Variants in C1orf21 observed in about 807,000 individuals in gnomAD.
C1orf21 encodes uncharacterized protein C1orf21.
A neutral mutation model predicts 18.7 loss-of-function variants in C1orf21; 3 were observed. That is an observed-to-expected ratio of 0.16 (90% CI 0.07 to 0.42). The LOEUF is 0.42. Among genes scored for constraint, C1orf21 ranks in the 10% least tolerant of loss-of-function variants. The probability of loss-of-function intolerance (pLI) is 0.99; values close to 1 mark genes in which losing one functional copy is unlikely to be tolerated. For missense variants in C1orf21, 104 were observed against 143.6 expected (o/e 0.72, Z 1.41); for synonymous variants, 41 against 46.4 (o/e 0.88, Z 0.47).
At chr1:184,532,830 A>C (rs1024510848) in intron 3 of C1orf21, among the ~76,000 whole-genome samples, 3 of 152,192 alleles carry the variant, frequency 2.0e-5, no homozygotes, top group African/African-American at 7.2e-5. Context: ...CACTGGACCA[A>C]GTCAGAAAAA....
At chr1:184,548,741 A>C (rs1036180496) in intron 3 of C1orf21, among the ~76,000 whole-genome samples, 1 of 152,216 alleles carries the variant, frequency 6.6e-6, no homozygotes, top group Non-Finnish European at 1.5e-5. Flanking sequence ...AGAAGGAACT[A>C]AAGTATTCAG....
intron 1 of C1orf21, among the ~76,000 whole-genome samples, chr1:184,421,647 C>T (rs1656548557): frequency 6.6e-6 from 1 of 152,102 alleles, no homozygotes; most frequent in African/African-American, 2.4e-5. Flanking sequence ...GTAGAAGTTT[C>T]TGTGTCTCAA....
intron 2 of C1orf21, among the ~76,000 whole-genome samples, chr1:184,480,522 G>A (rs1457105776): frequency 2.0e-5 from 3 of 152,156 alleles, no homozygotes; most frequent in African/African-American, 7.2e-5. Context: ...AGACTCTATT[G>A]TTCTAAAGCA....
chr1:184,574,067 T>C (rs55699645), intron 3 of C1orf21, among the ~76,000 whole-genome samples: 16,596 of 151,134 alleles, frequency 0.11, 1,773 homozygotes, highest in African/African-American at 0.28. Flanking sequence ...TAGCTGGGCG[T>C]GGTGGTACAC....
At chr1:184,401,433 T>C (rs926002939) in intron 1 of C1orf21, among the ~76,000 whole-genome samples, 3 of 152,114 alleles carry the variant, frequency 2.0e-5, no homozygotes, top group African/African-American at 7.2e-5. Flanking sequence ...GCAGCCAGCC[T>C]GGTCTGGAAC....
Position 184,626,053 on chromosome 1 carries a change from G to A in C1orf21, c.*6497G>A, listed in dbSNP as rs1370644160. 6.6e-6 allele frequency: 1 copy of A among 152,114 alleles called. No individual in the cohort carries two copies. Among genetic ancestry groups the A allele is most frequent in the Non-Finnish European group, 1.5e-5 (1 of 68,030 alleles). The allele number at this position is 152,114 out of a possible 1,614,324, so 9.4% of individuals were successfully genotyped here. The stretch of plus-strand genomic sequence containing the variant: ...GGTCCCTTCATCTAGGTTGACCCAG[G>A]TATAGCATTTTTAGCATTGCCTTTC... On this transcript the variant is annotated 3_prime_UTR_variant, in exon 6 of 6. Transcript: ENST00000235307.
At chr1:184,481,090 G>A (rs969194620) in intron 2 of C1orf21, among the ~76,000 whole-genome samples, 2 of 152,032 alleles carry the variant, frequency 1.3e-5, no homozygotes, top group African/African-American at 4.8e-5. Context: ...GGAAGGTAAA[G>A]GTTATGATTG....
At chr1:184,595,706 C>T (rs1291866180) in intron 4 of C1orf21, among the ~76,000 whole-genome samples, 1 of 152,118 alleles carries the variant, frequency 6.6e-6, no homozygotes, top group East Asian at 1.9e-4. Context: ...CATTTGCTCC[C>T]CCGGCAATGT....
At chr1:184,477,663 T>C (rs1385721337) in intron 2 of C1orf21, 60 bp downstream of exon 2, 10 of 1,320,398 alleles carry the variant, frequency 7.6e-6, no homozygotes, top group African/African-American at 2.9e-5. Flanking sequence ...CTTTTTTTTA[T>C]TGATACATAA....
intron 1 of C1orf21, among the ~76,000 whole-genome samples, chr1:184,415,628 A>C (rs746970398): frequency 3.3e-5 from 5 of 152,188 alleles, no homozygotes; most frequent in Non-Finnish European, 5.9e-5. Flanking sequence ...CAGAAGAGAA[A>C]GGAAATTATT....
chr1:184,510,803 G>A (rs1658132760), intron 3 of C1orf21, among the ~76,000 whole-genome samples: 2 of 105,360 alleles, frequency 1.9e-5, no homozygotes, highest in Admixed American at 2.6e-4. Flanking sequence ...TTGGTAGAAT[G>A]GGATTACAAT....
intron 2 of C1orf21, among the ~76,000 whole-genome samples, chr1:184,486,138 T>C (rs1657729575): frequency 6.6e-6 from 1 of 152,222 alleles, no homozygotes; most frequent in Non-Finnish European, 1.5e-5. Flanking sequence ...AACTGCATTC[T>C]TCTGAAGTAA....
chr1:184,554,018 G>A (rs528721186), intron 3 of C1orf21, among the ~76,000 whole-genome samples: 52 of 152,284 alleles, frequency 3.4e-4, no homozygotes, highest in African/African-American at 1.3e-3. Context: ...GGATCCTTCT[G>A]ACAATGCCAC....
At chr1:184,570,470 A>G (rs1659093408) in intron 3 of C1orf21, among the ~76,000 whole-genome samples, 1 of 152,190 alleles carries the variant, frequency 6.6e-6, no homozygotes, top group Non-Finnish European at 1.5e-5. Context: ...TTACCCCTAT[A>G]TCTCAGGCAG....
chr1:184,503,348 G>C (rs1010860514), intron 2 of C1orf21, among the ~76,000 whole-genome samples: 1 of 152,050 alleles, frequency 6.6e-6, no homozygotes, highest in Non-Finnish European at 1.5e-5. Flanking sequence ...AGTGGTATAT[G>C]AGGTTCTTTA....
intron 3 of C1orf21, among the ~76,000 whole-genome samples, chr1:184,522,477 G>C (rs1658318699): frequency 6.6e-6 from 1 of 152,080 alleles, no homozygotes; most frequent in Non-Finnish European, 1.5e-5. Context: ...GAATATGTAA[G>C]AGGCTCCTGG....
At chr1:184,583,130 T>A (rs1364558072) in intron 3 of C1orf21, among the ~76,000 whole-genome samples, 1 of 152,120 alleles carries the variant, frequency 6.6e-6, no homozygotes, top group Non-Finnish European at 1.5e-5. Context: ...TGAGCCACTG[T>A]GCCTGGCCAG....
chr1:184,588,720 A>C (rs77134093), intron 3 of C1orf21, among the ~76,000 whole-genome samples: 1,813 of 152,354 alleles, frequency 0.012, 42 homozygotes, highest in African/African-American at 0.042. Context: ...CCTGACTTAC[A>C]GTAAGTGCTC....
At chr1:184,461,131 A>G (rs1657301877) in intron 1 of C1orf21, among the ~76,000 whole-genome samples, 1 of 152,084 alleles carries the variant, frequency 6.6e-6, no homozygotes, top group Non-Finnish European at 1.5e-5. Flanking sequence ...TCAGGCTTTG[A>G]ACTTCCTTCT....
Sources: allele counts gnomAD v4.1 joint callset (sites outside exome capture counted in the v4.1 genomes callset), GRCh38; gene constraint gnomAD v4.1.1; transcripts MANE v1.5; gene names NCBI Gene and HGNC (gene_info 2026-07-23, HGNC 2026-07-21).